PPP2R5E: variants seen among roughly 807,000 people sequenced by gnomAD.
The protein encoded by PPP2R5E is serine/threonine-protein phosphatase 2A 56 kDa regulatory subunit epsilon isoform.
A neutral mutation model predicts 65.3 loss-of-function variants in PPP2R5E; 4 were observed. The observed-to-expected ratio is 0.06, with a 90% CI of 0.03 to 0.14. The LOEUF (loss-of-function observed/expected upper bound fraction) is 0.14. PPP2R5E is among the 10% of genes least tolerant of loss of function. The pLI, the probability that PPP2R5E is intolerant of heterozygous loss-of-function variation, is 1.00. For missense variants in PPP2R5E, 274 were observed against 556.1 expected, an observed-to-expected ratio of 0.49 and a Z score of 5.10; for synonymous variants, 183 against 187.4, an observed-to-expected ratio of 0.98 and a Z score of 0.19.
chr14:63,452,675 A>G (rs1888909194), intron 3 of PPP2R5E: 1 of 152,230 alleles, frequency 6.6e-6, no homozygotes, highest in Admixed American at 6.5e-5. Flanking sequence ...TCGTTTTCAG[A>G]TGACCTTCAT....
chr14:63,476,801 T>A (rs55812616), intron 2 of PPP2R5E, among the ~76,000 whole-genome samples: 2,607 of 152,258 alleles, frequency 0.017, 75 homozygotes, highest in African/African-American at 0.06. Flanking sequence ...TACTTATTCA[T>A]GACATTCACA....
At chr14:63,459,282 C>G (rs1393788230) in intron 2 of PPP2R5E, among the ~76,000 whole-genome samples, 1 of 152,138 alleles carries the variant, frequency 6.6e-6, no homozygotes. Flanking sequence ...CAAATCATTG[C>G]TATCAATTTT....
Position 63,474,187 on chromosome 14 carries a change from G to A in PPP2R5E, c.158-20302C>T, listed in dbSNP as rs145634954. ...AGATAATTTACTGGAAGAAGAATTG[G>A]TAGAATCAATTGTGCTTGCTGATAG... On this transcript the variant is annotated intron_variant, in intron 2 of 13. Coordinates refer to ENST00000337537, the MANE Select transcript of PPP2R5E (RefSeq NM_006246.5). 1.0e-3 allele frequency among the ~76,000 whole-genome samples: 159 copies of A among 152,282 alleles called. 3 individuals carry two copies. The highest frequency in any genetic ancestry group is 2.1e-3 in the Non-Finnish European group (140 of 68,018).
intron 10 of PPP2R5E, among the ~76,000 whole-genome samples, chr14:63,390,902 A>G (rs927753501): frequency 2.0e-5 from 3 of 152,218 alleles, no homozygotes; most frequent in Non-Finnish European, 2.9e-5. Context: ...GCACTACCCC[A>G]TAACAACCTC....
rs533005866 is a variant in PPP2R5E at position 63,495,285 on chromosome 14, T to A, written c.158-41400A>T. On this transcript the variant is annotated intron_variant, in intron 2 of 13. Coordinates refer to ENST00000337537, the MANE Select transcript of PPP2R5E (RefSeq NM_006246.5). ...AGTACTATTTTTATAAAAATAAACA[T>A]GTCTGGCCAGGCACGGTGGTTCACG... Among the ~76,000 whole-genome samples the A allele has an allele frequency of 2.0e-5, 3 of 146,346 alleles. No homozygotes were observed. The East Asian group carries it at 6.3e-4, about 31-fold the overall frequency.
At chr14:63,396,802 CT>C (rs1334908036) in intron 5 of PPP2R5E, 86 bp from the exon 6 acceptor site, 2 of 1,508,570 alleles carry the variant, frequency 1.3e-6, no homozygotes, top group Non-Finnish European at 1.8e-6. Flanking sequence ...CCCCTTCTTC[CT>C]TCCTCAAAAA....
At chr14:63,440,370 G>C (rs1888160053) in intron 3 of PPP2R5E, among the ~76,000 whole-genome samples, 1 of 151,492 alleles carries the variant, frequency 6.6e-6, no homozygotes, top group Non-Finnish European at 1.5e-5. Context: ...ATATAGGGCA[G>C]CAGAAGTGGT....
Position 63,484,334 on chromosome 14 carries a change from T to TTCTC in PPP2R5E, c.158-30453_158-30450dup, listed in dbSNP as rs1322678985. 3.3e-3 allele frequency among the ~76,000 whole-genome samples: 416 copies of TTCTC among 125,310 alleles called. 6 individuals carry two copies. Among genetic ancestry groups the TTCTC allele is most frequent in the African/African-American group, 0.011 (381 of 34,054 alleles). The allele number at this position is 125,310 out of a possible 152,430, so 82.2% of individuals were successfully genotyped here. A position where few individuals can be genotyped will look rare whatever the true frequency, so the allele number is the denominator to read the frequency against. ...ATATGATCGATCTCTTTCTTTCTCT[T>TTCTC]TCTCTCTCTCTCTCACACACACACA... On this transcript the variant is annotated intron_variant, in intron 2 of 13. Coordinates refer to ENST00000337537, the MANE Select transcript of PPP2R5E (RefSeq NM_006246.5).
At chr14:63,470,195 C>A (rs558124574) in intron 2 of PPP2R5E, among the ~76,000 whole-genome samples, 7 of 152,200 alleles carry the variant, frequency 4.6e-5, no homozygotes, top group African/African-American at 1.7e-4. Context: ...TTTCAGCCTC[C>A]CAAGTGGCTG....
At chr14:63,473,522 T>A (rs1890236501) in intron 2 of PPP2R5E, among the ~76,000 whole-genome samples, 1 of 152,178 alleles carries the variant, frequency 6.6e-6, no homozygotes, top group Admixed American at 6.5e-5. Context: ...TCTGAGACAT[T>A]TCCCAGTGCT....
chr14:63,514,500 T>TAA (rs897859387), intron 2 of PPP2R5E, among the ~76,000 whole-genome samples: 21 of 144,464 alleles, frequency 1.5e-4, no homozygotes, highest in Non-Finnish European at 3.0e-5. Context: ...CTCTCTTCAT[T>TAA]AAAAAAAAAA....
chr14:63,415,288 A>G, intron 4 of PPP2R5E, 56 bp from the exon 5 acceptor site: 1 of 1,244,574 alleles, frequency 8.0e-7, no homozygotes, highest in African/African-American at 1.5e-5. Context: ...GAACAGTACT[A>G]AAAACCACCA....
rs1164802119 is a variant in PPP2R5E, at chr14:63,430,375, ATG to A, written c.355-8283_355-8282del. 1.9e-3 allele frequency among the ~76,000 whole-genome samples: 242 copies of A among 128,208 alleles called. 1 individual carries two copies. The highest frequency in any genetic ancestry group is 5.2e-3 in the African/African-American group (146 of 27,938). 84.1% of individuals were successfully genotyped at this position (128,208 alleles called of 152,430 possible). On this transcript the variant is annotated intron_variant, in intron 3 of 13. Transcript: ENST00000337537. ...CATACATACATACATACATACATGC[ATG>A]CATACATACATACATACATACATGC...
intron 2 of PPP2R5E, among the ~76,000 whole-genome samples, chr14:63,457,569 T>C (rs939799273): frequency 1.3e-5 from 2 of 152,136 alleles, no homozygotes; most frequent in Admixed American, 1.3e-4. Context: ...TTAAAGGTCA[T>C]CTTAGAATCC....
intron 2 of PPP2R5E, among the ~76,000 whole-genome samples, chr14:63,489,064 C>T (rs928361232): frequency 1.3e-5 from 2 of 151,920 alleles, no homozygotes; most frequent in Non-Finnish European, 2.9e-5. Flanking sequence ...AGATGGTTAA[C>T]GACAGAACCA....
intron 2 of PPP2R5E, among the ~76,000 whole-genome samples, chr14:63,509,923 C>T (rs1243984335): frequency 6.6e-6 from 1 of 152,110 alleles, no homozygotes; most frequent in East Asian, 1.9e-4. Flanking sequence ...TTCAAGAGTA[C>T]ACAAAGAAGG....
intron 3 of PPP2R5E, among the ~76,000 whole-genome samples, chr14:63,440,536 C>T (rs1342278327): frequency 6.6e-6 from 1 of 151,830 alleles, no homozygotes; most frequent in Non-Finnish European, 1.5e-5. Flanking sequence ...TAGAAGAGCT[C>T]AAGAAACAAA....
At chr14:63,502,880 C>G (rs909639101) in intron 2 of PPP2R5E, among the ~76,000 whole-genome samples, 2 of 152,086 alleles carry the variant, frequency 1.3e-5, no homozygotes, top group African/African-American at 4.8e-5. Context: ...GTAATCCCAG[C>G]ACTTTGCGAG....
chr14:63,506,882 C>G (rs1311552004), intron 2 of PPP2R5E, among the ~76,000 whole-genome samples: 1 of 152,148 alleles, frequency 6.6e-6, no homozygotes, highest in East Asian at 1.9e-4. Flanking sequence ...AGCCAAAAAG[C>G]AGAAACAACC....
Sources: gnomAD v4.1 joint callset for allele counts (sites outside exome capture counted in the v4.1 genomes callset) on GRCh38, gnomAD v4.1.1 for gene constraint, MANE v1.5 for transcripts, NCBI Gene and HGNC (gene_info 2026-07-23, HGNC 2026-07-21) for gene names.